Variants in STON2 observed in about 807,000 individuals in gnomAD.
STON2 encodes the protein stonin-2.
A neutral mutation model predicts 65.7 loss-of-function variants in STON2; 29 were observed. That is an observed-to-expected ratio of 0.44 (90% confidence interval 0.33 to 0.60). The LOEUF (loss-of-function observed/expected upper bound fraction) is 0.60. STON2 is among the 20% of genes least tolerant of loss of function. STON2 has a pLI of 0.03. For synonymous variants in STON2, 404 were observed against 414.2 expected (o/e 0.98, Z 0.30); for missense variants, 1,054 against 1,118.1 (o/e 0.94, Z 0.82).
intron 1 of STON2, among the ~76,000 whole-genome samples, chr14:81,433,666 G>A (rs904544762): frequency 6.6e-6 from 1 of 152,186 alleles, no homozygotes; most frequent in Non-Finnish European, 1.5e-5. Context: ...GACTTTAGAT[G>A]CTACAGTTTT....
At chr14:81,358,018 C>T (rs1267655084) in intron 4 of STON2, among the ~76,000 whole-genome samples, 1 of 150,866 alleles carries the variant, frequency 6.6e-6, no homozygotes, top group South Asian at 2.1e-4. Flanking sequence ...TGCACATGTA[C>T]CCTAAAACTT....
At chr14:81,348,351 T>C (rs1203469666) in intron 4 of STON2, among the ~76,000 whole-genome samples, 3 of 152,148 alleles carry the variant, frequency 2.0e-5, no homozygotes, top group Non-Finnish European at 4.4e-5. Flanking sequence ...TATGATCTTA[T>C]ATAGAAAAAC....
At position 81,398,195 on chromosome 14, in the gene STON2, T is replaced by C. The variant is rs534549627; in HGVS notation, c.88+100A>G. 2.9e-5 allele frequency: 23 copies of C among 791,266 alleles called. 1 individual carries two copies. The highest frequency in any genetic ancestry group is 1.9e-4 in the African/African-American group (11 of 56,608). The allele number at this position is 791,266 out of a possible 1,614,324, so 49.0% of individuals were successfully genotyped here. A position where few individuals can be genotyped will look rare whatever the true frequency, so the allele number is the denominator to read the frequency against. On this transcript the variant is annotated intron_variant, in intron 2 of 7. Coordinates refer to ENST00000614646, the MANE Select transcript of STON2 (RefSeq NM_001394390.1). ...AGTGAGAAACTGACCCTTTTTTCTA[T>C]ATTAAGATCCCACCCAAAGAATAAT... is the stretch of plus-strand genomic sequence containing the variant.
upstream of STON2, among the ~76,000 whole-genome samples, chr14:81,401,242 G>C (rs1414228452): frequency 1.3e-5 from 2 of 152,186 alleles, no homozygotes; most frequent in Non-Finnish European, 1.5e-5. Flanking sequence ...CTTCATTATA[G>C]ATATAGGTGC....
chr14:81,371,512 G>A (rs893520152), intron 3 of STON2, among the ~76,000 whole-genome samples: 11 of 151,862 alleles, frequency 7.2e-5, no homozygotes, highest in Non-Finnish European at 1.6e-4. Context: ...TGGCTAACAC[G>A]GTGAAACCCC....
intron 4 of STON2, among the ~76,000 whole-genome samples, chr14:81,340,246 A>C (rs1185874922): frequency 6.6e-6 from 1 of 152,232 alleles, no homozygotes; most frequent in Non-Finnish European, 1.5e-5. Context: ...TTGAAAATGC[A>C]AACTAATTTC....
chr14:81,294,414 C>T (rs764094898), intron 5 of STON2, among the ~76,000 whole-genome samples: 88 of 152,246 alleles, frequency 5.8e-4, no homozygotes, highest in Middle Eastern at 3.4e-3. Flanking sequence ...GTTAAGAGCA[C>T]GGACTATGGC....
chr14:81,327,708 G>A (rs555149474), intron 4 of STON2, among the ~76,000 whole-genome samples: 10 of 152,100 alleles, frequency 6.6e-5, no homozygotes, highest in Middle Eastern at 3.4e-3. Context: ...TACATTTCCC[G>A]TTTCTGTTTT....
At position 81,354,757 on chromosome 14, in the gene STON2, G is replaced by A. The variant is rs113236294; in HGVS notation, c.571+16231C>T. Among the ~76,000 whole-genome samples, 537 of 152,238 alleles carry A rather than the reference G, an allele frequency of 3.5e-3. 1 individual carries two copies. Among genetic ancestry groups the A allele is most frequent in the African/African-American group, 0.012 (510 of 41,542 alleles). On this transcript the variant is annotated intron_variant, in intron 4 of 7. Transcript: ENST00000614646. ...ACAGAGGCTGGGCACGGTGGCTCAC[G>A]CCTGTAATCCCAGCACTTTGGGAGG...
At chr14:81,383,728 C>CCTCT (rs951785394) in intron 3 of STON2, among the ~76,000 whole-genome samples, 1 of 152,144 alleles carries the variant, frequency 6.6e-6, no homozygotes, top group African/African-American at 2.4e-5. Context: ...CCACCTCTGT[C>CCTCT]CTCTCCTCCC....
chr14:81,356,392 T>G (rs536087585), intron 4 of STON2, among the ~76,000 whole-genome samples: 2 of 152,202 alleles, frequency 1.3e-5, no homozygotes, highest in African/African-American at 4.8e-5. Context: ...TTTTGATGTG[T>G]TGCTGGATTC....
upstream of STON2, among the ~76,000 whole-genome samples, chr14:81,400,478 CA>C (rs5810028): frequency 3.4e-4 from 33 of 96,708 alleles, no homozygotes; most frequent in Admixed American, 6.7e-4. Context: ...CAGCACCCGT[CA>C]AAAAAAAAAA....
chr14:81,283,832 A>G (rs1895228733), intron 5 of STON2, among the ~76,000 whole-genome samples: 1 of 152,168 alleles, frequency 6.6e-6, no homozygotes, highest in Non-Finnish European at 1.5e-5. Context: ...CCCAGCAGAT[A>G]CTGCATTTTT....
intron 4 of STON2, among the ~76,000 whole-genome samples, chr14:81,354,026 G>A (rs1244875496): frequency 6.6e-6 from 1 of 152,252 alleles, no homozygotes; most frequent in Admixed American, 6.5e-5. Flanking sequence ...GAAAAGCAGA[G>A]GAAAACAAAG....
At chr14:81,388,304 C>T (rs1007248483) in intron 3 of STON2, among the ~76,000 whole-genome samples, 15 of 152,078 alleles carry the variant, frequency 9.9e-5, no homozygotes, top group Admixed American at 9.2e-4. Context: ...CCCTGGCCAA[C>T]CGTGATGGCA....
At chr14:81,312,162 C>T (rs915481566) in intron 5 of STON2, among the ~76,000 whole-genome samples, 4 of 152,244 alleles carry the variant, frequency 2.6e-5, no homozygotes, top group African/African-American at 7.2e-5. Context: ...ATTTTCTTTT[C>T]GTGAAATGGT....
At chr14:81,270,627 C>T (rs776896618) in intron 7 of STON2, 43 bp downstream of exon 7, 5 of 1,613,960 alleles carry the variant, frequency 3.1e-6, no homozygotes, top group Non-Finnish European at 4.2e-6. Flanking sequence ...GTGGGGTGAA[C>T]AAATGGAGTT....
chr14:81,281,071 A>G (rs1400632645), intron 5 of STON2, among the ~76,000 whole-genome samples: 1 of 152,060 alleles, frequency 6.6e-6, no homozygotes, highest in Non-Finnish European at 1.5e-5. Context: ...ACGAGTATGC[A>G]TATACATATA....
At chr14:81,313,920 G>A (rs1034737058) in intron 5 of STON2, among the ~76,000 whole-genome samples, 4 of 152,138 alleles carry the variant, frequency 2.6e-5, no homozygotes, top group Non-Finnish European at 4.4e-5. Context: ...AACATACTGT[G>A]GGAGTCCTGA....
Sources: gnomAD v4.1 joint callset for allele counts (sites outside exome capture counted in the v4.1 genomes callset) on GRCh38, gnomAD v4.1.1 for gene constraint, MANE v1.5 for transcripts, NCBI Gene and HGNC (gene_info 2026-07-23, HGNC 2026-07-21) for gene names.